PDE6A: variants seen among roughly 807,000 people sequenced by gnomAD.
The protein encoded by PDE6A is rod cGMP-specific 3',5'-cyclic phosphodiesterase subunit alpha.
Under a neutral mutation model 106.3 loss-of-function variants are expected in PDE6A, and 84 were observed. That is an observed-to-expected ratio of 0.79 (90% confidence interval 0.66 to 0.95). The LOEUF (loss-of-function observed/expected upper bound fraction) is 0.95. PDE6A is among the 40% of genes least tolerant of loss of function. The pLI, the probability that PDE6A is intolerant of heterozygous loss-of-function variation, is 0.00. For synonymous variants in PDE6A, 394 were observed against 386.6 expected (o/e 1.02, Z -0.23); for missense variants, 1,052 against 1,084.9 (o/e 0.97, Z 0.43).
intron 17 of PDE6A, among the ~76,000 whole-genome samples, chr5:149,869,088 G>A (rs1431316062): frequency 6.6e-6 from 1 of 152,244 alleles, no homozygotes; most frequent in Non-Finnish European, 1.5e-5. Context: ...CCAGCCCTTT[G>A]GGAGGCTGAG....
At position 149,886,373 on chromosome 5, in the gene PDE6A, G is replaced by A. The variant is rs765007196; in HGVS notation, c.1730C>T (p.Thr577Met). The A allele has an allele frequency of 1.7e-5, 28 of 1,610,522 alleles. No homozygotes were observed. Among genetic ancestry groups the A allele is most frequent in the Middle Eastern group, 1.7e-4 (1 of 6,044 alleles). Residue 577 changes from threonine to methionine, a missense_variant and splice_region_variant, in exon 14 of 22, where the codon ACG (threonine) becomes ATG (methionine). Physicochemically the swap from Thr to Met is moderately conservative, Grantham distance 81. Around this residue, in one of 3 missense-constraint regions of PDE6A, gnomAD observed 913 missense variants for 915.2 expected, o/e 1.00. Transcript: ENST00000255266. The stretch of plus-strand genomic sequence containing the variant: ...CGTGAAGTAGCGCTTCAGCTTTCCC[G>A]TCTGGAAGGGCAATCAGAGTGCAAA... ...VGQTMFSLLV[T>M]GKLKRYFTDL...
rs540073873 is a variant in PDE6A at position 149,903,163 on chromosome 5, A to C, written c.1113+485T>G. ...GACCCTCTCTAAAAAAAAAAAAAAA[A>C]AAAAACAAAAGAAAACAACAACAAC... On this transcript the variant is annotated intron_variant, in intron 8 of 21. Transcript: ENST00000255266. Among the ~76,000 whole-genome samples the C allele has an allele frequency of 1.9e-4, 28 of 149,260 alleles. 1 individual carries two copies. Among genetic ancestry groups the C allele is most frequent in the African/African-American group, 6.2e-4 (25 of 40,572 alleles).
chr5:149,867,703 C>T lies in PDE6A; in HGVS notation c.2274+22G>A, dbSNP rs185667267. ...TGGAGCACACACACCTAACATCAGG[C>T]TGACATCCCCTGTCTACTCACAATG... On this transcript the variant is annotated intron_variant, in intron 19 of 21. Coordinates refer to ENST00000255266, the MANE Select transcript of PDE6A (RefSeq NM_000440.3). The T allele has an allele frequency of 7.5e-4, 1,214 of 1,608,052 alleles. 2 individuals are homozygous for T. Among genetic ancestry groups the T allele is most frequent in the Non-Finnish European group, 9.4e-4 (1,103 of 1,174,730 alleles).
intron 1 of PDE6A, among the ~76,000 whole-genome samples, chr5:149,936,415 T>C (rs1754187207): frequency 1.3e-5 from 2 of 152,202 alleles, no homozygotes; most frequent in Non-Finnish European, 2.9e-5. Context: ...ATCTGTGTCA[T>C]TTTCTAAGCT....
rs879457141 is a variant in PDE6A at position 149,882,255 on chromosome 5, G to GC, written c.2135+1173dup. On this transcript the variant is annotated intron_variant, in intron 17 of 21. Transcript: ENST00000255266. ...GCTGAAGGAGTGGCAACTTGCTGCT[G>GC]CCCCCCCCGTTTCCGGAGCCTGTCC... Among the ~76,000 whole-genome samples the GC allele has an allele frequency of 3.0e-3, 448 of 150,984 alleles. 2 individuals carry two copies. Among genetic ancestry groups the GC allele is most frequent in the African/African-American group, 4.7e-3 (192 of 40,938 alleles).
At chr5:149,920,685 G>A (rs1306764209) in intron 5 of PDE6A, among the ~76,000 whole-genome samples, 2 of 152,202 alleles carry the variant, frequency 1.3e-5, no homozygotes, top group African/African-American at 4.8e-5. Flanking sequence ...GCTGGATTGT[G>A]GGTCCAGTAT....
At chr5:149,861,056 G>T in intron 21 of PDE6A, 85 bp from the exon 22 acceptor site, 1 of 1,258,916 alleles carries the variant, frequency 7.9e-7, no homozygotes, top group Non-Finnish European at 1.1e-6. Context: ...ACCAAGAGTT[G>T]CAAACTCAAA....
intron 9 of PDE6A, 140 bp from the exon 10 acceptor site, chr5:149,898,646 G>A (rs369821572): frequency 1.5e-4 from 121 of 787,674 alleles, no homozygotes; most frequent in South Asian, 1.4e-3. Flanking sequence ...CCCACCTTGC[G>A]GAGTTCTTAT....
At chr5:149,910,921 C>T (rs1753362961) in intron 6 of PDE6A, among the ~76,000 whole-genome samples, 1 of 135,148 alleles carries the variant, frequency 7.4e-6, no homozygotes, top group Non-Finnish European at 1.5e-5. Flanking sequence ...ACTCTGTCCC[C>T]TAGGCTGGAG....
chr5:149,925,809 T>C (rs1347026289), intron 4 of PDE6A, among the ~76,000 whole-genome samples: 1 of 150,772 alleles, frequency 6.6e-6, no homozygotes, highest in Non-Finnish European at 1.5e-5. Context: ...CACAAAGAAG[T>C]ATAAGAGACA....
chr5:149,895,281 G>A lies in PDE6A; in HGVS notation c.1630C>T (p.Arg544Trp), dbSNP rs144484128. 4.7e-5 allele frequency: 76 copies of A among 1,611,102 alleles called. No individual in the cohort carries two copies. The highest frequency in any genetic ancestry group is 6.0e-5 in the Non-Finnish European group (71 of 1,177,420). The change falls in exon 13 of 22, where the codon CGG (arginine) becomes TGG (tryptophan). Residue 544 changes from arginine to tryptophan, a missense_variant. By Grantham distance (101) the Arg-to-Trp change is moderately radical. Coordinates refer to ENST00000255266, the MANE Select transcript of PDE6A (RefSeq NM_000440.3). ...CCCTTACTCAGGGAGTACATGAACC[G>A]CACCAGGGCCTGTGAACACATGCAC... ...KFHIPQEALV[R>W]FMYSLSKGYR...
chr5:149,935,971 G>A (rs112192145), intron 1 of PDE6A, among the ~76,000 whole-genome samples: 2 of 152,120 alleles, frequency 1.3e-5, no homozygotes, highest in African/African-American at 4.8e-5. Context: ...GGGCAACATA[G>A]CAATATCTTG....
chr5:149,918,903 A>G (rs1753628529), intron 5 of PDE6A, among the ~76,000 whole-genome samples: 1 of 152,104 alleles, frequency 6.6e-6, no homozygotes, highest in Admixed American at 6.5e-5. Context: ...GATTATAGGC[A>G]TGAACCACTG....
intron 15 of PDE6A, 35 bp downstream of exon 15, chr5:149,884,745 C>A (rs373196790): frequency 2.0e-4 from 313 of 1,577,964 alleles, no homozygotes; most frequent in Non-Finnish European, 2.4e-4. Flanking sequence ...CTGATCCAGG[C>A]CCCGCGGCCT....
chr5:149,934,904 A>G (rs1481892567), intron 1 of PDE6A, among the ~76,000 whole-genome samples, 186 bp from the exon 2 acceptor site: 3 of 152,196 alleles, frequency 2.0e-5, no homozygotes, highest in Non-Finnish European at 4.4e-5. Context: ...AAAGTCTGAG[A>G]TGAAATCCAC....
At chr5:149,919,996 G>T (rs1265386347) in intron 5 of PDE6A, among the ~76,000 whole-genome samples, 1 of 152,112 alleles carries the variant, frequency 6.6e-6, no homozygotes, top group Non-Finnish European at 1.5e-5. Context: ...GGCAGATAAA[G>T]CGTGAGAGGG....
At chr5:149,864,723 C>A (rs1227234220) in intron 20 of PDE6A, among the ~76,000 whole-genome samples, 1 of 152,138 alleles carries the variant, frequency 6.6e-6, no homozygotes, top group Non-Finnish European at 1.5e-5. Flanking sequence ...AACAGCAAAT[C>A]CACGGCCCGC....
intron 1 of PDE6A, among the ~76,000 whole-genome samples, chr5:149,937,955 T>A (rs1754230928): frequency 6.6e-6 from 1 of 152,236 alleles, no homozygotes; most frequent in Non-Finnish European, 1.5e-5. Flanking sequence ...TTCATTGACT[T>A]ATTCATTGAT....
At chr5:149,870,935 A>G (rs1760522954) in intron 17 of PDE6A, among the ~76,000 whole-genome samples, 1 of 143,410 alleles carries the variant, frequency 7.0e-6, no homozygotes. Flanking sequence ...AAAGAAAGGA[A>G]GAGAAGAGAA....
Sources: allele counts gnomAD v4.1 joint callset (sites outside exome capture counted in the v4.1 genomes callset), GRCh38; gene constraint gnomAD v4.1.1; regional missense constraint gnomAD v4.1.1; transcripts MANE v1.5; gene names NCBI Gene and HGNC (gene_info 2026-07-23, HGNC 2026-07-21).